BOLL: variants seen among roughly 807,000 people sequenced by gnomAD.
The protein encoded by BOLL is boule RNA binding protein.
In BOLL, 23 loss-of-function variants were observed where a neutral mutation model predicts 44.4. That is an observed-to-expected ratio of 0.52 (90% CI 0.37 to 0.73). The LOEUF (loss-of-function observed/expected upper bound fraction) is 0.73. Ranked by LOEUF, BOLL falls within the 30% of genes least tolerant of loss-of-function variation. The pLI is 0.00. For synonymous variants in BOLL, 97 were observed against 110.8 expected (o/e 0.88, Z 0.78); for missense variants, 287 against 338.3 (o/e 0.85, Z 1.19).
intron 9 of BOLL, among the ~76,000 whole-genome samples, chr2:197,743,880 G>A (rs1321085482): frequency 2.0e-5 from 3 of 149,936 alleles, no homozygotes; most frequent in East Asian, 2.0e-4. Context: ...GTGTGATCTC[G>A]GCTCACTGCA....
chr2:197,758,908 A>C, intron 7 of BOLL: 1 of 1,515,012 alleles, frequency 6.6e-7, no homozygotes, highest in East Asian at 2.5e-5. Flanking sequence ...AAGACTTTTT[A>C]GATCTAAATG....
Position 197,728,391 on chromosome 2 carries a change from A to C in BOLL, c.*164T>G. ...ACAGCTGAAAAAGCAAATTTCATCA[A>C]ATTTAGACAGCTTATAGTGGAATAA... On this transcript the variant is annotated 3_prime_UTR_variant, in exon 11 of 11. Transcript: ENST00000392296. 1 of 1,169,514 alleles carries C rather than the reference A, an allele frequency of 8.6e-7. No individual in the cohort carries two copies. The highest frequency in any genetic ancestry group is 1.2e-6 in the Non-Finnish European group (1 of 835,110). The allele number at this position is 1,169,514 out of a possible 1,614,324, so 72.4% of individuals were successfully genotyped here.
chr2:197,782,119 A>T (rs1364078160), intron 1 of BOLL, among the ~76,000 whole-genome samples: 1 of 152,156 alleles, frequency 6.6e-6, no homozygotes, highest in African/African-American at 2.4e-5. Context: ...TGCTTATATT[A>T]TTATCAAACC....
At chr2:197,756,942 T>C (rs993363772) in intron 8 of BOLL, among the ~76,000 whole-genome samples, 2 of 152,168 alleles carry the variant, frequency 1.3e-5, no homozygotes, top group Non-Finnish European at 2.9e-5. Flanking sequence ...TGTGAAACTT[T>C]TTTGGTGAAG....
chr2:197,773,114 C>T (rs1689340056), intron 5 of BOLL, among the ~76,000 whole-genome samples: 1 of 151,402 alleles, frequency 6.6e-6, no homozygotes, highest in Non-Finnish European at 1.5e-5. Flanking sequence ...TTAATTAGAT[C>T]CTTTTGAGAA....
At chr2:197,729,218 G>A (rs927355733) in intron 10 of BOLL, among the ~76,000 whole-genome samples, 2 of 152,174 alleles carry the variant, frequency 1.3e-5, no homozygotes, top group African/African-American at 4.8e-5. Context: ...GGTGATGGAC[G>A]GCACCTGGAA....
At chr2:197,762,642 T>C (rs922299815) in intron 7 of BOLL, among the ~76,000 whole-genome samples, 6 of 152,130 alleles carry the variant, frequency 3.9e-5, no homozygotes, top group African/African-American at 1.4e-4. Context: ...TTAAGCAACA[T>C]ACTGCTGAAT....
chr2:197,771,962 C>A lies in BOLL; in HGVS notation c.373G>T (p.Ala125Ser). ...GAAGTTGTTAGATACATTGTTCCAG[C>A]TGCTGGCATTATACTAGAACCTAAA... Reference protein sequence around the residue: ...GIPRSSIMPAAGTMYLTTSTG... With the variant: ...GIPRSSIMPASGTMYLTTSTG... The change falls in exon 6 of 11, where the codon GCT becomes TCT. Residue 125 changes from alanine (A) to serine (S), a missense_variant. Transcript: ENST00000392296. 6.3e-7 allele frequency: 1 copy of A among 1,585,946 alleles called. No homozygotes were observed. Among genetic ancestry groups the A allele is most frequent in the Non-Finnish European group, 8.6e-7 (1 of 1,160,620 alleles).
intron 2 of BOLL, 42 bp from the exon 3 acceptor site, chr2:197,779,108 G>C (rs1689651721): frequency 7.2e-7 from 1 of 1,391,780 alleles, no homozygotes; most frequent in African/African-American, 1.4e-5. Context: ...ATTTTTAGTT[G>C]ATAAAAGATG....
chr2:197,741,826 C>A (rs1054601622), intron 10 of BOLL, among the ~76,000 whole-genome samples: 2 of 152,084 alleles, frequency 1.3e-5, no homozygotes, highest in Non-Finnish European at 2.9e-5. Flanking sequence ...TCTAATTAAA[C>A]TAAAGAGCTT....
At chr2:197,746,865 A>G (rs2106332637) in intron 9 of BOLL, among the ~76,000 whole-genome samples, 1 of 145,756 alleles carries the variant, frequency 6.9e-6, no homozygotes, top group South Asian at 2.2e-4. Flanking sequence ...ATGCCACTGC[A>G]CTCCAACTTG....
intron 5 of BOLL, among the ~76,000 whole-genome samples, chr2:197,773,586 G>A (rs1000432474): frequency 6.6e-6 from 1 of 151,886 alleles, no homozygotes; most frequent in Non-Finnish European, 1.5e-5. Context: ...TGGAAAATTT[G>A]TGATGAAATG....
In BOLL at chr2:197,737,838, A is replaced by G. The variant is rs1030233769; in HGVS notation, c.828+5223T>C. 3.3e-5 allele frequency among the ~76,000 whole-genome samples: 5 copies of G among 152,150 alleles called. No individual in the cohort carries two copies. In the South Asian group the frequency reaches 8.3e-4, roughly 25 times the overall value. On this transcript the variant is annotated intron_variant, in intron 10 of 10. Coordinates refer to ENST00000392296, the MANE Select transcript of BOLL (RefSeq NM_033030.6). ...ACTTCTGAATCATACTTTGTCGACCATTAGTTGTGTTTTTCATTTAAGTCC... is the reference window on the plus strand; with the variant it reads ...ACTTCTGAATCATACTTTGTCGACCGTTAGTTGTGTTTTTCATTTAAGTCC...
At chr2:197,769,447 G>A (rs779404401) in intron 6 of BOLL, among the ~76,000 whole-genome samples, 7 of 151,924 alleles carry the variant, frequency 4.6e-5, no homozygotes, top group Admixed American at 6.6e-5. Flanking sequence ...GTTTATTGGC[G>A]TAGAGCCCTC....
intron 9 of BOLL, among the ~76,000 whole-genome samples, chr2:197,748,549 G>A (rs1428932415): frequency 1.3e-5 from 2 of 152,228 alleles, no homozygotes; most frequent in Admixed American, 1.3e-4. Flanking sequence ...TTGGTCAGGG[G>A]TTGGGGCATC....
chr2:197,749,667 G>A (rs1368273293), intron 9 of BOLL, among the ~76,000 whole-genome samples: 5 of 151,796 alleles, frequency 3.3e-5, no homozygotes, highest in African/African-American at 9.7e-5. Context: ...GAAATAAAGC[G>A]TGAAGACAAG....
intron 6 of BOLL, among the ~76,000 whole-genome samples, chr2:197,769,885 T>C (rs1004073470): frequency 6.6e-6 from 1 of 152,158 alleles, no homozygotes; most frequent in Non-Finnish European, 1.5e-5. Context: ...TCCGTGCTCA[T>C]GGATAGGAAG....
At chr2:197,777,994 A>T (rs981294528) in intron 3 of BOLL, among the ~76,000 whole-genome samples, 2 of 151,932 alleles carry the variant, frequency 1.3e-5, no homozygotes, top group Non-Finnish European at 2.9e-5. Flanking sequence ...TAGAACACAC[A>T]CGCCACCCAG....
At chr2:197,732,104 G>C (rs1240118577) in intron 10 of BOLL, among the ~76,000 whole-genome samples, 1 of 150,298 alleles carries the variant, frequency 6.7e-6, no homozygotes, top group East Asian at 1.9e-4. Context: ...TCAAATAGAC[G>C]CAATAAAAAA....
Sources: allele counts gnomAD v4.1 joint callset (sites outside exome capture counted in the v4.1 genomes callset), GRCh38; gene constraint gnomAD v4.1.1; transcripts MANE v1.5; gene names NCBI Gene and HGNC (gene_info 2026-07-23, HGNC 2026-07-21).